The following PBX1 variants were observed in gnomAD, a reference collection of about 807,000 sequenced individuals.
PBX1 encodes pre-B-cell leukemia transcription factor 1.
In PBX1, 6 loss-of-function variants were observed where a neutral mutation model predicts 53.4. The observed-to-expected ratio is 0.11, with a 90% CI of 0.06 to 0.22. The LOEUF (loss-of-function observed/expected upper bound fraction) is 0.22. PBX1 is among the 10% of genes least tolerant of loss of function. PBX1 has a pLI of 1.00. For missense variants in PBX1, 251 were observed against 551.4 expected (o/e 0.46, Z 5.46); for synonymous variants, 204 against 212.3 (o/e 0.96, Z 0.34).
At chr1:164,653,380 T>C (rs1322526974) in intron 2 of PBX1, among the ~76,000 whole-genome samples, 2 of 152,144 alleles carry the variant, frequency 1.3e-5, no homozygotes, top group African/African-American at 4.8e-5. Context: ...TACAATAATT[T>C]AGTATGTAAG....
intron 2 of PBX1, among the ~76,000 whole-genome samples, chr1:164,764,769 C>T (rs1315889584): frequency 1.3e-5 from 2 of 152,068 alleles, no homozygotes; most frequent in East Asian, 1.9e-4. Flanking sequence ...ACTTGAAATG[C>T]GTAGGTTTCT....
chr1:164,749,051 T>A (rs1375998310), intron 2 of PBX1, among the ~76,000 whole-genome samples: 1 of 152,118 alleles, frequency 6.6e-6, no homozygotes, highest in Non-Finnish European at 1.5e-5. Context: ...AAATCAACCA[T>A]AACTAAAGCC....
At chr1:164,662,254 G>A (rs1299053485) in intron 2 of PBX1, among the ~76,000 whole-genome samples, 1 of 152,160 alleles carries the variant, frequency 6.6e-6, no homozygotes, top group African/African-American at 2.4e-5. Context: ...AGAATCTGGG[G>A]AGTGGAGGTT....
At chr1:164,781,269 A>G (rs1667920840) in intron 2 of PBX1, among the ~76,000 whole-genome samples, 1 of 152,180 alleles carries the variant, frequency 6.6e-6, no homozygotes, top group African/African-American at 2.4e-5. Context: ...AGTGTCCTTC[A>G]GCTGGAGAAT....
intron 2 of PBX1, among the ~76,000 whole-genome samples, chr1:164,743,144 T>C (rs1194669960): frequency 6.6e-6 from 1 of 152,156 alleles, no homozygotes; most frequent in Non-Finnish European, 1.5e-5. Context: ...AGCTATTGTA[T>C]TCCTTCCGTA....
At chr1:164,784,482 C>T (rs959803856) in intron 2 of PBX1, among the ~76,000 whole-genome samples, 4 of 152,198 alleles carry the variant, frequency 2.6e-5, no homozygotes, top group South Asian at 2.1e-4. Flanking sequence ...TGACCAGAAC[C>T]GCCAAAACCT....
At chr1:164,724,209 C>T (rs1664560456) in intron 2 of PBX1, among the ~76,000 whole-genome samples, 1 of 152,192 alleles carries the variant, frequency 6.6e-6, no homozygotes, top group Non-Finnish European at 1.5e-5. Flanking sequence ...ACCGTTGCTT[C>T]TGCAGTTCAA....
chr1:164,866,226 A>G (rs1484108477), intron 2 of PBX1, among the ~76,000 whole-genome samples: 2 of 152,234 alleles, frequency 1.3e-5, no homozygotes, highest in African/African-American at 4.8e-5. Flanking sequence ...TCAATGAAGG[A>G]GTAGGATTTA....
intron 2 of PBX1, among the ~76,000 whole-genome samples, chr1:164,724,592 C>T (rs982935096): frequency 4.8e-5 from 7 of 146,824 alleles, no homozygotes; most frequent in East Asian, 2.1e-4. Context: ...GACAAGCTTG[C>T]GTCTAGACAG....
intron 2 of PBX1, among the ~76,000 whole-genome samples, chr1:164,584,645 A>G (rs1375107273): frequency 6.6e-6 from 1 of 152,146 alleles, no homozygotes; most frequent in African/African-American, 2.4e-5. Flanking sequence ...TAAGAGGGGT[A>G]TCATGGAGTA....
At chr1:164,712,716 A>C (rs2102078863) in intron 2 of PBX1, among the ~76,000 whole-genome samples, 2 of 152,266 alleles carry the variant, frequency 1.3e-5, no homozygotes, top group Middle Eastern at 6.8e-3. Flanking sequence ...AAACACGTGC[A>C]GGTCTTAGGA....
At chr1:164,802,276 A>C (rs1248497391) in intron 4 of PBX1, among the ~76,000 whole-genome samples, 1 of 152,228 alleles carries the variant, frequency 6.6e-6, no homozygotes, top group Non-Finnish European at 1.5e-5. Flanking sequence ...GGGCCTGGGC[A>C]TGGCTTAGCT....
intron 2 of PBX1, among the ~76,000 whole-genome samples, chr1:164,580,534 C>T (rs796961938): frequency 1.3e-4 from 20 of 152,232 alleles, no homozygotes; most frequent in African/African-American, 4.6e-4. Context: ...CCTGCCTCGG[C>T]CTCCCACAGT....
intron 2 of PBX1, among the ~76,000 whole-genome samples, chr1:164,613,028 A>G (rs1453746353): frequency 2.0e-5 from 3 of 152,214 alleles, no homozygotes; most frequent in Non-Finnish European, 4.4e-5. Context: ...CCCAGGGATC[A>G]CTGTATGAGA....
chr1:164,797,125 C>A (rs182674221), intron 3 of PBX1, among the ~76,000 whole-genome samples: 1 of 152,236 alleles, frequency 6.6e-6, no homozygotes, highest in South Asian at 2.1e-4. Context: ...AACGACCCCA[C>A]TGTCTGTTTA....
chr1:164,630,934 A>G (rs1658372498), intron 2 of PBX1: 2 of 152,244 alleles, frequency 1.3e-5, no homozygotes, highest in South Asian at 4.1e-4. Context: ...AGCTAGCTTC[A>G]TCAGCTCCAG....
intron 2 of PBX1, among the ~76,000 whole-genome samples, chr1:164,694,867 A>T (rs759888491): frequency 1.1e-4 from 16 of 152,140 alleles, no homozygotes; most frequent in Admixed American, 4.6e-4. Context: ...TAAGTCAGGC[A>T]CTCACTATCT....
intron 8 of PBX1, among the ~76,000 whole-genome samples, chr1:164,825,110 C>T (rs1224087423): frequency 6.6e-6 from 1 of 152,146 alleles, no homozygotes; most frequent in Admixed American, 6.5e-5. Flanking sequence ...GGATGCCATT[C>T]AGTATGGCCA....
In PBX1 at chr1:164,559,632, CTCATCCTCCCA is replaced by C. The variant is rs1652871614; in HGVS notation, c.-190_-180del. The C allele has an allele frequency of 2.9e-6, 1 of 345,074 alleles. No homozygotes were observed. The highest frequency in any genetic ancestry group is 4.9e-5 in the South Asian group (1 of 20,304). The allele number at this position is 345,074 out of a possible 1,614,324, so 21.4% of individuals were successfully genotyped here. ...TTCACGCCCCCTCCCCCTCCCCCTCCTCATCCTCCCACCATCCTCTAAAGAGGCAAAGGGAT... is the reference window on the plus strand; with the variant it reads ...TTCACGCCCCCTCCCCCTCCCCCTCCCCATCCTCTAAAGAGGCAAAGGGAT... On this transcript the variant is annotated 5_prime_UTR_variant, in exon 1 of 9. Coordinates refer to ENST00000420696, the MANE Select transcript of PBX1 (RefSeq NM_002585.4).
Sources: gnomAD v4.1 joint callset for allele counts (sites outside exome capture counted in the v4.1 genomes callset) on GRCh38, gnomAD v4.1.1 for gene constraint, MANE v1.5 for transcripts, NCBI Gene and HGNC (gene_info 2026-07-23, HGNC 2026-07-21) for gene names.